Variants in SORD observed in about 807,000 individuals in gnomAD.
The protein encoded by SORD is sorbitol dehydrogenase, also known as (R,R)-butanediol dehydrogenase.
A neutral mutation model predicts 35.6 loss-of-function variants in SORD; 18 were observed. The observed-to-expected ratio is 0.51, with a 90% CI of 0.35 to 0.75. The LOEUF (loss-of-function observed/expected upper bound fraction) is 0.75. Among genes scored for constraint, SORD ranks in the 30% least tolerant of loss-of-function variants. The probability of loss-of-function intolerance (pLI) is 0.01; values close to 1 mark genes in which losing one functional copy is unlikely to be tolerated. For synonymous variants in SORD, 106 were observed against 152.9 expected, an observed-to-expected ratio of 0.69 and a Z score of 2.26; for missense variants, 250 against 390.2, an observed-to-expected ratio of 0.64 and a Z score of 3.03.
chr15:45,069,860 C>T (rs1489501418), intron 7 of SORD: 1 of 152,136 alleles, frequency 6.6e-6, no homozygotes, highest in African/African-American at 2.4e-5. Flanking sequence ...GTCTCCCAGA[C>T]CTAGGAACAG....
intron 3 of SORD, among the ~76,000 whole-genome samples, chr15:45,051,682 A>G (rs1893125985): frequency 6.6e-6 from 1 of 152,230 alleles, no homozygotes; most frequent in African/African-American, 2.4e-5. Context: ...GGAGAAAGCC[A>G]AATTTCACCC....
At chr15:45,067,115 A>T (rs1224734701) in intron 5 of SORD, among the ~76,000 whole-genome samples, 1 of 152,128 alleles carries the variant, frequency 6.6e-6, no homozygotes, top group Non-Finnish European at 1.5e-5. Flanking sequence ...TAATCCTAGC[A>T]CTTTGGGAGG....
chr15:45,063,848 G>A (rs1440700060), intron 4 of SORD, among the ~76,000 whole-genome samples: 3 of 151,588 alleles, frequency 2.0e-5, no homozygotes, highest in African/African-American at 7.3e-5. Context: ...CTTCTAGGGG[G>A]AGTAGAAGGA....
chr15:45,036,089 C>A, intron 1 of SORD: 1 of 275,674 alleles, frequency 3.6e-6, no homozygotes, highest in Non-Finnish European at 7.1e-6. Flanking sequence ...TCCGCAGCTT[C>A]ACTGCTGAGC....
intron 1 of SORD, among the ~76,000 whole-genome samples, chr15:45,026,560 G>C (rs190922242): frequency 5.4e-5 from 8 of 148,662 alleles, no homozygotes; most frequent in East Asian, 1.9e-4. Flanking sequence ...AGGTATACAG[G>C]GGGGCAGGGT....
chr15:45,060,509 G>T (rs1414750188), intron 3 of SORD, among the ~76,000 whole-genome samples: 2 of 152,134 alleles, frequency 1.3e-5, no homozygotes, highest in African/African-American at 4.8e-5. Flanking sequence ...ATTGGCCTTT[G>T]CAGTTCTACT....
At chr15:45,062,919 A>ACAGGAG (rs1219070158) in intron 4 of SORD, among the ~76,000 whole-genome samples, 1 of 146,724 alleles carries the variant, frequency 6.8e-6, no homozygotes, top group African/African-American at 2.7e-5. Flanking sequence ...AAAGCATATC[A>ACAGGAG]AGTCTCCAGC....
chr15:45,060,606 A>T (rs1458607588), intron 3 of SORD, among the ~76,000 whole-genome samples: 1 of 152,204 alleles, frequency 6.6e-6, no homozygotes, highest in Non-Finnish European at 1.5e-5. Context: ...TTGTCTTTGT[A>T]AAGGTTTTGC....
chr15:45,059,835 G>A (rs566678507), intron 3 of SORD, among the ~76,000 whole-genome samples: 2 of 152,272 alleles, frequency 1.3e-5, no homozygotes, highest in East Asian at 1.9e-4. Context: ...AATCTGAAAA[G>A]CATTATGCTA....
At chr15:45,065,173 A>G in intron 4 of SORD, 98 bp from the exon 5 acceptor site, 1 of 1,107,052 alleles carries the variant, frequency 9.0e-7, no homozygotes, top group Non-Finnish European at 1.3e-6. Context: ...GATAAATGCT[A>G]GCTATGGTTG....
intron 1 of SORD, among the ~76,000 whole-genome samples, chr15:45,034,267 G>A: frequency 6.6e-6 from 1 of 152,104 alleles, no homozygotes; most frequent in Non-Finnish European, 1.5e-5. Context: ...GCTGGTGGGG[G>A]AAGCCTGGGT....
intron 1 of SORD, among the ~76,000 whole-genome samples, chr15:45,039,795 C>A (rs576656346): frequency 6.6e-6 from 1 of 152,142 alleles, no homozygotes; most frequent in South Asian, 2.1e-4. Context: ...GGGAAACATC[C>A]TCACGTGCAA....
At chr15:45,028,647 G>A (rs1177420086) in intron 1 of SORD, among the ~76,000 whole-genome samples, 1 of 152,066 alleles carries the variant, frequency 6.6e-6, no homozygotes, top group Non-Finnish European at 1.5e-5. Flanking sequence ...AATTATAAAG[G>A]GCAGAAAAAT....
Position 45,058,360 on chromosome 15 carries a change from G to A in SORD, c.266-2707G>A, listed in dbSNP as rs553231025. ...GCTGACATTCCCAGCACCCAAGGGC[G>A]ATGGGGGATTGACAAAATACTCTCC... is the stretch of plus-strand genomic sequence containing the variant. On this transcript the variant is annotated intron_variant, in intron 3 of 8. Transcript: ENST00000267814. Among the ~76,000 whole-genome samples, 34 of 152,262 alleles carry A rather than the reference G, an allele frequency of 2.2e-4. 1 individual carries two copies. The South Asian group carries it at 5.8e-3, about 26-fold the overall frequency.
chr15:45,061,272 T>G, intron 4 of SORD, 46 bp downstream of exon 4: 1 of 1,600,226 alleles, frequency 6.2e-7, no homozygotes, highest in Non-Finnish European at 8.6e-7. Flanking sequence ...CTCTTTCCCT[T>G]CATTAGCTTG....
chr15:45,030,666 G>C (rs971406814), intron 1 of SORD, among the ~76,000 whole-genome samples: 1 of 152,234 alleles, frequency 6.6e-6, no homozygotes, highest in Admixed American at 6.5e-5. Flanking sequence ...ATAAGATCAT[G>C]TATGGTTATG....
intron 3 of SORD, among the ~76,000 whole-genome samples, chr15:45,044,274 C>T (rs1417762741): frequency 1.3e-5 from 2 of 152,108 alleles, no homozygotes; most frequent in Non-Finnish European, 2.9e-5. Flanking sequence ...GGGACAAAGT[C>T]TCTGACTATA....
In SORD at chr15:45,065,461, C is replaced by A. The variant is rs189338568; in HGVS notation, c.544+72C>A. 1.2e-5 allele frequency: 18 copies of A among 1,528,470 alleles called. No homozygotes were observed. In the Admixed American group the frequency reaches 3.1e-4, roughly 27 times the overall value. 94.7% of individuals were successfully genotyped at this position (1,528,470 alleles called of 1,614,324 possible). On this transcript the variant is annotated intron_variant, in intron 5 of 8. Transcript: ENST00000267814. ...CAGGGAACCCTCTGCCCATCTCATT[C>A]CCCCTCCAAGGCTTGAGATTTGTTC...
At chr15:45,067,137 G>A (rs921824947) in intron 5 of SORD, among the ~76,000 whole-genome samples, 9 of 152,224 alleles carry the variant, frequency 5.9e-5, no homozygotes, top group East Asian at 3.9e-4. Context: ...TGAAGCAGTC[G>A]GATCACCTGA....
Sources: allele counts gnomAD v4.1 joint callset (sites outside exome capture counted in the v4.1 genomes callset), GRCh38; gene constraint gnomAD v4.1.1; transcripts MANE v1.5; gene names NCBI Gene and HGNC (gene_info 2026-07-23, HGNC 2026-07-21).